ZNF680: variants seen among roughly 807,000 people sequenced by gnomAD.
The protein encoded by ZNF680 is zinc finger protein 680.
In ZNF680, 6 loss-of-function variants were observed where a neutral mutation model predicts 12.1. That is an observed-to-expected ratio of 0.49 (90% CI 0.27 to 0.98). The LOEUF is 0.98. Among genes scored for constraint, ZNF680 ranks in the 50% least tolerant of loss-of-function variants. The pLI, the probability that ZNF680 is intolerant of heterozygous loss-of-function variation, is 0.12. For missense variants in ZNF680, 561 were observed against 616.3 expected (o/e 0.91, Z 0.95); for synonymous variants, 170 against 199.3 (o/e 0.85, Z 1.24).
At chr7:64,529,957 A>G (rs1785775373) in intron 3 of ZNF680, among the ~76,000 whole-genome samples, 1 of 152,238 alleles carries the variant, frequency 6.6e-6, no homozygotes, top group African/African-American at 2.4e-5. Context: ...TTCTCAGCAG[A>G]AATCCTACAA....
At chr7:64,550,405 A>G (rs989999384) in intron 1 of ZNF680, among the ~76,000 whole-genome samples, 10 of 152,232 alleles carry the variant, frequency 6.6e-5, no homozygotes, top group Admixed American at 5.9e-4. Flanking sequence ...CTAAATGAAC[A>G]TGCATTTCTC....
At position 64,543,921 on chromosome 7, in the gene ZNF680, A is replaced by G. The variant is rs118141818; in HGVS notation, c.158-119T>C. ...TCTAGTAAATTAATCCCAAATTACT[A>G]ATTTATAACAGACATTTCTAAATAT... On this transcript the variant is annotated intron_variant, in intron 2 of 3. Transcript: ENST00000309683. 338 of 840,404 alleles carry G rather than the reference A, an allele frequency of 4.0e-4. 2 individuals carry two copies. The African/African-American group carries it at 5.4e-3, about 13-fold the overall frequency. 52.1% of individuals were successfully genotyped at this position (840,404 alleles called of 1,614,324 possible). A position where few individuals can be genotyped will look rare whatever the true frequency, so the allele number is the denominator to read the frequency against.
chr7:64,555,822 C>T (rs578062227), intron 1 of ZNF680, among the ~76,000 whole-genome samples: 1 of 151,442 alleles, frequency 6.6e-6, no homozygotes. Context: ...TTAGAAATGA[C>T]TACCACTGAC....
At chr7:64,540,635 T>TA (rs1295199111) in intron 3 of ZNF680, among the ~76,000 whole-genome samples, 2 of 152,118 alleles carry the variant, frequency 1.3e-5, no homozygotes, top group African/African-American at 4.8e-5. Context: ...CATGTTGACT[T>TA]AAAGTTTACA....
At position 64,521,034 on chromosome 7, in the gene ZNF680, T is replaced by G; in HGVS notation, c.*127A>C. ...AGTTTTGTCACATTCTTTACACTTA[T>G]AAAGTTTTCTCCAATATAAATTATC... On this transcript the variant is annotated 3_prime_UTR_variant, in exon 4 of 4. Coordinates refer to ENST00000309683, the MANE Select transcript of ZNF680 (RefSeq NM_178558.5). The G allele has an allele frequency of 9.3e-7, 1 of 1,070,012 alleles. No individual in the cohort carries two copies. 66.3% of individuals were successfully genotyped at this position (1,070,012 alleles called of 1,614,324 possible). A position where few individuals can be genotyped will look rare whatever the true frequency, so the allele number is the denominator to read the frequency against.
chr7:64,515,511 A>G (rs1023772605), downstream of ZNF680, among the ~76,000 whole-genome samples: 1 of 152,134 alleles, frequency 6.6e-6, no homozygotes, highest in African/African-American at 2.4e-5. Context: ...AAGGTCTCTG[A>G]AAAGTCCCCA....
chr7:64,521,355 A>G lies in ZNF680; in HGVS notation c.1399T>C (p.Cys467Arg). 2 of 1,613,622 alleles carry G rather than the reference A, an allele frequency of 1.2e-6. No individual in the cohort carries two copies. Among genetic ancestry groups the G allele is most frequent in the Middle Eastern group, 3.3e-4 (2 of 6,060 alleles). The change falls in exon 4 of 4, where the codon TGT (cysteine) becomes CGT (arginine). Residue 467 changes from cysteine (C) to arginine (R), a missense_variant. Cys to Arg is a radical substitution (Grantham distance 180, BLOSUM62 -3). Transcript: ENST00000309683. ...TGEKSYKCDE[C>R]GNVFNWPATL... ...GCAGGCCAGTTAAAAACATTGCCAC[A>G]TTCATCACATTTGTAGGATTTCTCT... is the stretch of plus-strand genomic sequence containing the variant.
the ZNF680 span, among the ~76,000 whole-genome samples, chr7:64,509,437 C>T: frequency 6.6e-6 from 1 of 152,308 alleles, no homozygotes; most frequent in East Asian, 1.9e-4. Flanking sequence ...GGCAGCCATT[C>T]AATTTTTACA....
At chr7:64,542,443 G>A (rs561428866) in intron 3 of ZNF680, among the ~76,000 whole-genome samples, 2 of 152,146 alleles carry the variant, frequency 1.3e-5, no homozygotes, top group East Asian at 1.9e-4. Context: ...GCTGCTTATC[G>A]ATCATATGCT....
the ZNF680 span, chr7:64,500,914 G>A: frequency 1.6e-6 from 1 of 610,930 alleles, no homozygotes; most frequent in Non-Finnish European, 3.2e-6. Context: ...TGGTCAAGAA[G>A]TGTGATGTGG....
At chr7:64,531,945 A>C (rs112504394) in intron 3 of ZNF680, among the ~76,000 whole-genome samples, 1 of 152,198 alleles carries the variant, frequency 6.6e-6, no homozygotes, top group Admixed American at 6.5e-5. Context: ...TCAAGATTAG[A>C]GCAAAACTAA....
chr7:64,562,312 A>G (rs1787792078), intron 1 of ZNF680, among the ~76,000 whole-genome samples: 1 of 152,154 alleles, frequency 6.6e-6, no homozygotes, highest in South Asian at 2.1e-4. Flanking sequence ...ATTCTTGCTT[A>G]ACCAACTATA....
the ZNF680 span, among the ~76,000 whole-genome samples, chr7:64,507,364 T>C: frequency 6.6e-6 from 1 of 152,180 alleles, no homozygotes; most frequent in Non-Finnish European, 1.5e-5. Flanking sequence ...TGAGATCTAT[T>C]GCACAGCAGG....
At chr7:64,541,757 CCA>C (rs1359991320) in intron 3 of ZNF680, among the ~76,000 whole-genome samples, 8 of 152,188 alleles carry the variant, frequency 5.3e-5, no homozygotes, top group African/African-American at 1.7e-4. Flanking sequence ...CTCCTCCCAG[CCA>C]CAGTCTGGGA....
chr7:64,509,145 A>T, the ZNF680 span, among the ~76,000 whole-genome samples: 6 of 152,140 alleles, frequency 3.9e-5, no homozygotes, highest in African/African-American at 7.2e-5. Flanking sequence ...AGCCTATCCA[A>T]CCCCAAACCT....
At chr7:64,512,322 G>C in the ZNF680 span, among the ~76,000 whole-genome samples, 1 of 151,132 alleles carries the variant, frequency 6.6e-6, no homozygotes, top group Non-Finnish European at 1.5e-5. Flanking sequence ...GCTTGGTGGC[G>C]TGCGCCTGTA....
intron 1 of ZNF680, among the ~76,000 whole-genome samples, chr7:64,550,333 G>A (rs747627471): frequency 1.3e-5 from 2 of 152,168 alleles, no homozygotes; most frequent in Non-Finnish European, 2.9e-5. Flanking sequence ...TAAATCAATA[G>A]CTAAAAGAAG....
chr7:64,545,070 C>A (rs552974994), intron 1 of ZNF680, among the ~76,000 whole-genome samples: 111 of 151,958 alleles, frequency 7.3e-4, no homozygotes, highest in Non-Finnish European at 1.0e-3. Flanking sequence ...ATCAGCCTGG[C>A]CAACATGGCG....
intron 3 of ZNF680, among the ~76,000 whole-genome samples, chr7:64,543,253 A>C (rs1786601959): frequency 6.6e-6 from 1 of 152,180 alleles, no homozygotes; most frequent in Admixed American, 6.5e-5. Context: ...CTATATTTCG[A>C]CTATCAAAAA....
Sources: allele counts gnomAD v4.1 joint callset (sites outside exome capture counted in the v4.1 genomes callset), GRCh38; gene constraint gnomAD v4.1.1; transcripts MANE v1.5; gene names NCBI Gene and HGNC (gene_info 2026-07-23, HGNC 2026-07-21).